PRSS48: variants seen among roughly 807,000 people sequenced by gnomAD.
PRSS48 encodes the protein serine protease 48.
In PRSS48, 21 loss-of-function variants were observed where a neutral mutation model predicts 25.6. The observed-to-expected ratio is 0.82, with a 90% CI of 0.58 to 1.18. The LOEUF (loss-of-function observed/expected upper bound fraction) is 1.18, where lower values mean the gene tolerates loss of function less well. PRSS48 is among the 50% of genes most tolerant of loss of function. PRSS48 has a pLI of 0.00. For synonymous variants in PRSS48, 150 were observed against 149.3 expected, an observed-to-expected ratio of 1.00 and a Z score of -0.04; for missense variants, 373 against 399.3, an observed-to-expected ratio of 0.93 and a Z score of 0.56.
chr4:151,279,084 C>A, intron 1 of PRSS48: 1 of 416,252 alleles, frequency 2.4e-6, no homozygotes, highest in Non-Finnish European at 4.6e-6. Flanking sequence ...CAGGGAACAT[C>A]CACAGATAAA....
intron 1 of PRSS48, chr4:151,279,105 A>C: frequency 4.7e-6 from 2 of 428,854 alleles, no homozygotes; most frequent in Non-Finnish European, 4.5e-6. Context: ...GCTGTGGCCC[A>C]AGTATAGGCT....
At chr4:151,278,924 T>A (rs1270001594) in intron 1 of PRSS48, 1 of 179,974 alleles carries the variant, frequency 5.6e-6, no homozygotes, top group Admixed American at 6.2e-5. Flanking sequence ...TGAGTCACTG[T>A]GCCCAGTCAA....
chr4:151,285,678 G>A (rs1580408159), intron 4 of PRSS48, among the ~76,000 whole-genome samples: 1 of 152,102 alleles, frequency 6.6e-6, no homozygotes, highest in East Asian at 1.9e-4. Context: ...ACCAGCCTGG[G>A]CAACATAGTG....
At position 151,282,239 on chromosome 4, in the gene PRSS48, G is replaced by A. The variant is rs776597681; in HGVS notation, c.307G>A (p.Val103Ile). 3.3e-5 allele frequency: 53 copies of A among 1,613,882 alleles called. 3 individuals carry two copies. In the South Asian group the frequency reaches 5.3e-4, roughly 16 times the overall value. ...TGTGAAGTACTACGTGTCCAAAATC[G>A]TCATCCATCCCAAGTACCAAGATAC... Residue 103 changes from valine to isoleucine, a missense_variant, in exon 3 of 5, where the codon GTC becomes ATC. Transcript: ENST00000455694.
intron 2 of PRSS48, among the ~76,000 whole-genome samples, chr4:151,280,660 T>C (rs1333787208): frequency 1.3e-5 from 2 of 152,082 alleles, no homozygotes; most frequent in African/African-American, 4.8e-5. Flanking sequence ...GTGTGGCAGC[T>C]TGCACCTGTA....
In PRSS48 at chr4:151,279,778, T is replaced by C; in HGVS notation, c.53-18T>C. ...GGACTCCTAGGTTTCCACATTTCCCTTTCTTCTCTTTCTCTAGTGTGTGGG... is the reference window on the plus strand; with the variant it reads ...GGACTCCTAGGTTTCCACATTTCCCCTTCTTCTCTTTCTCTAGTGTGTGGG... On this transcript the variant is annotated intron_variant, in intron 1 of 4. Coordinates refer to ENST00000455694, the Ensembl canonical transcript of PRSS48. The C allele has an allele frequency of 1.9e-6, 3 of 1,612,778 alleles. No homozygotes were observed. The highest frequency in any genetic ancestry group is 2.2e-5 in the East Asian group (1 of 44,868).
intron 4 of PRSS48, among the ~76,000 whole-genome samples, chr4:151,284,125 AAC>A (rs1774511613): frequency 6.6e-6 from 1 of 152,180 alleles, no homozygotes; most frequent in African/African-American, 2.4e-5. Flanking sequence ...ATATTTCACC[AAC>A]ACTTGGAAAT....
intron 4 of PRSS48, 138 bp from the exon 5 acceptor site, chr4:151,290,980 G>A (rs1262853726): frequency 3.3e-6 from 2 of 606,308 alleles, no homozygotes; most frequent in East Asian, 5.5e-5. Flanking sequence ...CTAAAGCAGT[G>A]ATTAGTCCAG....
intron 4 of PRSS48, among the ~76,000 whole-genome samples, chr4:151,287,004 A>AATG (rs1774862270): frequency 1.3e-5 from 2 of 149,054 alleles, no homozygotes; most frequent in South Asian, 4.2e-4. Context: ...TAATAATAAT[A>AATG]ATAATAGTAA....
chr4:151,287,253 A>T (rs1774890503), intron 4 of PRSS48, among the ~76,000 whole-genome samples: 1 of 151,052 alleles, frequency 6.6e-6, no homozygotes, highest in Non-Finnish European at 1.5e-5. Flanking sequence ...AGGGAGGAGA[A>T]TCACTTGAAC....
rs1209872663 is a variant in PRSS48, at chr4:151,283,269, A to G, written c.634A>G (p.Met212Val). The stretch of plus-strand genomic sequence containing the variant: ...GATTTGTGCTGGTGATACTCAAAAC[A>G]TGAAGGATAGTTGCAAGGTCAGGGT... The change falls in exon 4 of 5, where the codon ATG (methionine) becomes GTG (valine). Residue 212 changes from methionine to valine, a missense_variant. Physicochemically the swap from Met to Val is conservative, Grantham distance 21. Transcript: ENST00000455694. The G allele has an allele frequency of 2.5e-6, 4 of 1,613,616 alleles. No homozygotes were observed. The highest frequency in any genetic ancestry group is 1.1e-5 in the South Asian group (1 of 90,958).
At chr4:151,288,192 T>C (rs762656031) in intron 4 of PRSS48, among the ~76,000 whole-genome samples, 3 of 152,160 alleles carry the variant, frequency 2.0e-5, no homozygotes, top group Non-Finnish European at 1.5e-5. Context: ...AAATACTATA[T>C]GCTTTTGCCA....
chr4:151,283,188 T>C, exon 4 of PRSS48: 2 of 1,613,870 alleles, frequency 1.2e-6, no homozygotes, highest in South Asian at 2.2e-5. Flanking sequence ...TGAACAGCTC[T>C]ACAATCCCAT....
intron 2 of PRSS48, 42 bp downstream of exon 2, chr4:151,280,000 T>G: frequency 7.8e-7 from 1 of 1,284,074 alleles, no homozygotes; most frequent in Non-Finnish European, 1.0e-6. Context: ...AGGTTCTCAG[T>G]GAATATTTGC....
At chr4:151,286,791 CA>C (rs1337735305) in intron 4 of PRSS48, among the ~76,000 whole-genome samples, 2 of 151,484 alleles carry the variant, frequency 1.3e-5, no homozygotes, top group African/African-American at 4.8e-5. Flanking sequence ...ACGAGCCTAG[CA>C]AATGTGGCAA....
In PRSS48 at chr4:151,291,107, T is replaced by G. The variant is rs1012193454; in HGVS notation, c.652-11T>G. 3.1e-6 allele frequency: 5 copies of G among 1,594,352 alleles called. No homozygotes were observed. The highest frequency in any genetic ancestry group is 1.7e-4 in the Middle Eastern group (1 of 5,940). ...TTTCACTATGCTCATTACCTTTCAT[T>G]TCTTCCTTAGGGTGATTCTGGAGGG... On this transcript the variant is annotated splice_polypyrimidine_tract_variant and intron_variant, in intron 4 of 4. Transcript: ENST00000455694.
Position 151,283,528 on chromosome 4 carries a change from TTA to T in PRSS48, c.651+243_651+244del, listed in dbSNP as rs1491538823. On this transcript the variant is annotated intron_variant, in intron 4 of 4. Transcript: ENST00000455694. The stretch of plus-strand genomic sequence containing the variant: ...TTGGACTTTTTTTTTTTTTTTTTTT[TTA>T]AATTAGAGACAGAGCCTTGCTCTGT... Among the ~76,000 whole-genome samples the T allele has an allele frequency of 9.4e-3, 1,216 of 128,906 alleles. 12 individuals carry two copies. The highest frequency in any genetic ancestry group is 0.031 in the South Asian group (129 of 4,164). 84.6% of individuals were successfully genotyped at this position (128,906 alleles called of 152,430 possible).
At chr4:151,287,513 T>C (rs1197841226) in intron 4 of PRSS48, among the ~76,000 whole-genome samples, 1 of 152,060 alleles carries the variant, frequency 6.6e-6, no homozygotes. Context: ...AAAAGGACTA[T>C]ATATACCGGA....
intron 2 of PRSS48, 143 bp downstream of exon 2, chr4:151,280,101 A>G: frequency 1.0e-6 from 1 of 965,484 alleles, no homozygotes; most frequent in Non-Finnish European, 1.6e-6. Flanking sequence ...ATCAAACCCG[A>G]AACAACTAGA....
Sources: gnomAD v4.1 joint callset for allele counts (sites outside exome capture counted in the v4.1 genomes callset) on GRCh38, gnomAD v4.1.1 for gene constraint, MANE v1.5 for transcripts, NCBI Gene and HGNC (gene_info 2026-07-23, HGNC 2026-07-21) for gene names.